Variants in UPB1 observed in about 807,000 individuals in gnomAD.
UPB1 encodes beta-ureidopropionase.
A neutral mutation model predicts 49.1 loss-of-function variants in UPB1; 40 were observed. That is an observed-to-expected ratio of 0.81 (90% CI 0.63 to 1.06). The LOEUF is 1.06. UPB1 is among the 50% of genes least tolerant of loss of function. UPB1 has a pLI of 0.00. For missense variants in UPB1, 499 were observed against 505.9 expected, an observed-to-expected ratio of 0.99 and a Z score of 0.13; for synonymous variants, 207 against 198.2, an observed-to-expected ratio of 1.04 and a Z score of -0.38.
At chr22:24,522,585 A>G (rs912746958) in intron 8 of UPB1, among the ~76,000 whole-genome samples, 1 of 151,976 alleles carries the variant, frequency 6.6e-6, no homozygotes, top group African/African-American at 2.4e-5. Flanking sequence ...GAGGTATCTG[A>G]ACCTTGGTGA....
At chr22:24,510,525 G>A (rs934039868) in intron 3 of UPB1, among the ~76,000 whole-genome samples, 1 of 152,140 alleles carries the variant, frequency 6.6e-6, no homozygotes, top group Non-Finnish European at 1.5e-5. Flanking sequence ...AGTCCCTGCT[G>A]CAATTGTTTT....
chr22:24,511,356 A>G (rs867661844), intron 4 of UPB1, among the ~76,000 whole-genome samples: 1 of 152,302 alleles, frequency 6.6e-6, no homozygotes. Context: ...CAGAAAGTAG[A>G]TAAGTGGTGG....
intron 1 of UPB1, among the ~76,000 whole-genome samples, chr22:24,499,367 CTG>C (rs1361569214): frequency 6.6e-6 from 1 of 152,216 alleles, no homozygotes; most frequent in African/African-American, 2.4e-5. Context: ...TCCCATGCCT[CTG>C]TGGCTTTCAC....
In UPB1 at chr22:24,527,633, C is replaced by T. The variant is rs1278496433; in HGVS notation, c.*1839C>T. The stretch of plus-strand genomic sequence containing the variant: ...AGGCAGCTTCATCCCTTCACTGGCC[C>T]AGCAGCTGAACTATATGGAAACCTC... On this transcript the variant is annotated 3_prime_UTR_variant, in exon 10 of 10. Transcript: ENST00000326010. 6.6e-6 allele frequency: 1 copy of T among 152,036 alleles called. No individual in the cohort carries two copies. The highest frequency in any genetic ancestry group is 1.5e-5 in the Non-Finnish European group (1 of 68,030). 9.4% of individuals were successfully genotyped at this position (152,036 alleles called of 1,614,324 possible).
chr22:24,520,773 A>G (rs1335874776), intron 7 of UPB1, among the ~76,000 whole-genome samples: 1 of 152,178 alleles, frequency 6.6e-6, no homozygotes, highest in African/African-American at 2.4e-5. Flanking sequence ...TGCACTTATT[A>G]TATCTCTTCC....
chr22:24,519,021 A>G (rs996175571), intron 6 of UPB1, among the ~76,000 whole-genome samples: 11 of 152,182 alleles, frequency 7.2e-5, no homozygotes, highest in African/African-American at 2.4e-4. Flanking sequence ...TTTGGGTCCT[A>G]TGCAGAACAC....
chr22:24,523,054 C>A (rs982769964), intron 8 of UPB1, among the ~76,000 whole-genome samples: 3 of 151,740 alleles, frequency 2.0e-5, no homozygotes, highest in Admixed American at 1.3e-4. Flanking sequence ...CCCCCGACTT[C>A]TAGAGTCCCT....
rs763821701 is a variant in UPB1, at chr22:24,500,265, CTG to C, written c.266_267del (p.Val89GlyfsTer9). Reference sequence around the variant, plus strand: ...AGAATCCCCCTCCCCGCAAATGCCCCTGTGGCAGAACAGGTGCAGACTCTTTT... The same window carrying C: ...AGAATCCCCCTCCCCGCAAATGCCCCTGGCAGAACAGGTGCAGACTCTTTT... On this transcript the variant is annotated frameshift_variant, in exon 2 of 10. Coordinates refer to ENST00000326010, the MANE Select transcript of UPB1 (RefSeq NM_016327.3). LOFTEE classifies it high-confidence loss of function. 3.1e-6 allele frequency: 5 copies of C among 1,614,068 alleles called. No homozygotes were observed. The highest frequency in any genetic ancestry group is 4.2e-6 in the Non-Finnish European group (5 of 1,180,038).
intron 4 of UPB1, among the ~76,000 whole-genome samples, chr22:24,512,680 C>T (rs2044227024): frequency 6.6e-6 from 1 of 152,164 alleles, no homozygotes; most frequent in Non-Finnish European, 1.5e-5. Flanking sequence ...TAAACAATAG[C>T]TCCCCATTCC....
chr22:24,522,898 C>T (rs1028339815), intron 8 of UPB1, among the ~76,000 whole-genome samples: 4 of 147,216 alleles, frequency 2.7e-5, no homozygotes, highest in Non-Finnish European at 4.5e-5. Context: ...GAGCTGACAT[C>T]GCACCATTGC....
In UPB1 at chr22:24,523,680, G is replaced by T. The variant is rs773496469; in HGVS notation, c.978G>T (p.Arg326=). Residue 326 remains arginine (R), a synonymous_variant, in exon 9 of 10, where the codon CGG becomes CGT. Transcript: ENST00000326010. The part of the protein sequence containing the change: ...SSYVAAPDSS[R]TPGLSRSRDG... The stretch of plus-strand genomic sequence containing the variant: ...ATGTGGCAGCCCCTGACAGCAGCCG[G>T]ACTCCTGGGCTGTCCCGTAGCCGGG... 2.0e-5 allele frequency: 32 copies of T among 1,614,276 alleles called. No individual in the cohort carries two copies. Among genetic ancestry groups the T allele is most frequent in the Non-Finnish European group, 2.6e-5 (31 of 1,180,034 alleles).
At chr22:24,523,032 G>T (rs920019945) in intron 8 of UPB1, among the ~76,000 whole-genome samples, 2 of 150,534 alleles carry the variant, frequency 1.3e-5, no homozygotes, top group East Asian at 3.9e-4. Flanking sequence ...CCCAGATGCC[G>T]CCATTTCAGG....
chr22:24,506,502 C>G (rs1481932525), intron 3 of UPB1, among the ~76,000 whole-genome samples: 1 of 152,186 alleles, frequency 6.6e-6, no homozygotes, highest in Non-Finnish European at 1.5e-5. Flanking sequence ...CATCTTTCCG[C>G]CTTCCAGCTT....
At chr22:24,502,945 A>C (rs1198186182) in intron 3 of UPB1, 1 of 177,690 alleles carries the variant, frequency 5.6e-6, no homozygotes, top group Non-Finnish European at 1.2e-5. Context: ...CCAGGCTTAG[A>C]GTACAATCAC....
intron 1 of UPB1, among the ~76,000 whole-genome samples, chr22:24,497,804 G>A (rs766922506): frequency 1.4e-4 from 22 of 152,126 alleles, no homozygotes; most frequent in Non-Finnish European, 2.1e-4. Flanking sequence ...TGTACTTGTG[G>A]GCAATCACAG....
rs1249274102 is a variant in UPB1, at chr22:24,526,976, CT to C, written c.*1183del. The C allele has an allele frequency of 6.6e-6, 1 of 152,190 alleles. No homozygotes were observed. Among genetic ancestry groups the C allele is most frequent in the Non-Finnish European group, 1.5e-5 (1 of 68,040 alleles). 9.4% of individuals were successfully genotyped at this position (152,190 alleles called of 1,614,324 possible). A position where few individuals can be genotyped will look rare whatever the true frequency, so the allele number is the denominator to read the frequency against. On this transcript the variant is annotated 3_prime_UTR_variant, in exon 10 of 10. Transcript: ENST00000326010. ...TATCTCTATCCATCACCTACTAATT[CT>C]GCTAGTTCTGCTAATGTGGTTGAGC...
intron 5 of UPB1, 107 bp from the exon 6 acceptor site, chr22:24,515,094 C>A: frequency 7.1e-7 from 1 of 1,417,632 alleles, no homozygotes; most frequent in Non-Finnish European, 9.9e-7. Flanking sequence ...GAGTCACACT[C>A]AGGAGTGTAA....
In UPB1 at chr22:24,513,328, C is replaced by T. The variant is rs199788632; in HGVS notation, c.464C>T (p.Ala155Val). 4.4e-5 allele frequency: 71 copies of T among 1,613,976 alleles called. No homozygotes were observed. In the Middle Eastern group the frequency reaches 4.9e-4, roughly 11 times the overall value. The change falls in exon 5 of 10, where the codon GCG becomes GTG. Residue 155 changes from alanine (A) to valine (V), a missense_variant. By Grantham distance (64) the Ala-to-Val change is moderately conservative. Transcript: ENST00000326010. ...CCATATTTATCATTTTTCCAGCTGG[C>T]GAAGAACCATGACATGGTGGTGGTG... ...GPTTRFCQKL[A>V]KNHDMVVVSP...
intron 2 of UPB1, among the ~76,000 whole-genome samples, chr22:24,501,904 G>A (rs1348370907): frequency 6.6e-6 from 1 of 152,090 alleles, no homozygotes; most frequent in African/African-American, 2.4e-5. Flanking sequence ...ACCAGGTGAG[G>A]AAACTGAGGC....
Sources: allele counts gnomAD v4.1 joint callset (sites outside exome capture counted in the v4.1 genomes callset), GRCh38; gene constraint gnomAD v4.1.1; transcripts MANE v1.5; gene names NCBI Gene and HGNC (gene_info 2026-07-23, HGNC 2026-07-21).